Variants in CLASP2 observed in about 807,000 individuals in gnomAD.
The protein encoded by CLASP2 is CLIP-associating protein 2.
CLASP2 carries 47 observed loss-of-function variants against 194.4 expected under a neutral mutation model. The observed-to-expected ratio is 0.24, with a 90% CI of 0.19 to 0.31. The LOEUF is 0.31. Ranked by LOEUF, CLASP2 falls within the 10% of genes least tolerant of loss-of-function variation. The pLI is 1.00. For missense variants in CLASP2, 1,445 were observed against 1,823.6 expected, an observed-to-expected ratio of 0.79 and a Z score of 3.78; for synonymous variants, 619 against 633.5, an observed-to-expected ratio of 0.98 and a Z score of 0.34.
At chr3:33,686,938 A>G (rs1218036558) in intron 5 of CLASP2, 122 bp downstream of exon 5, 2 of 584,660 alleles carry the variant, frequency 3.4e-6, no homozygotes, top group African/African-American at 1.9e-5. Flanking sequence ...TAATGAGGTA[A>G]AATCTTGATT....
In CLASP2 at chr3:33,497,906, G is replaced by A. The variant is rs2046006120; in HGVS notation, c.*725C>T. The A allele has an allele frequency of 6.6e-6, 1 of 152,542 alleles. No individual in the cohort carries two copies. Among genetic ancestry groups the A allele is most frequent in the Admixed American group, 6.6e-5 (1 of 15,258 alleles). The allele number at this position is 152,542 out of a possible 1,614,324, so 9.4% of individuals were successfully genotyped here. On this transcript the variant is annotated 3_prime_UTR_variant, in exon 39 of 39. Coordinates refer to ENST00000682230, the MANE Select transcript of CLASP2 (RefSeq NM_001365631.1). The stretch of plus-strand genomic sequence containing the variant: ...TTTCAGTAAGTATCAAGAAAAAACA[G>A]GCAGATGATTTGGTGCAGCTTTCTT...
chr3:33,684,597 TA>T (rs1168932886), intron 5 of CLASP2, 141 bp from the exon 6 acceptor site: 2 of 439,656 alleles, frequency 4.5e-6, no homozygotes, highest in Non-Finnish European at 8.0e-6. Context: ...TTGTCATCAG[TA>T]AAAAAACAAG....
rs2091153701 is a variant in CLASP2, at chr3:33,689,892, G to A, written c.315C>T (p.Asp105=). 1 of 1,599,648 alleles carries A rather than the reference G, an allele frequency of 6.3e-7. No homozygotes were observed. Among genetic ancestry groups the A allele is most frequent in the Non-Finnish European group, 8.5e-7 (1 of 1,173,458 alleles). ...ALIDRMGDAK[D]KVRDEAQTLI... Reference sequence around the variant, plus strand: ...GAGTCTGAGCTTCATCTCGAACCTTGTCTTTGGCATCTCCCATTCTGTCTA... The same window carrying A: ...GAGTCTGAGCTTCATCTCGAACCTTATCTTTGGCATCTCCCATTCTGTCTA... The change falls in exon 3 of 39, where the codon GAC becomes GAT. Residue 105 remains aspartate (D), a synonymous_variant. Transcript: ENST00000682230.
At chr3:33,605,946 G>A (rs1302986762) in intron 16 of CLASP2, among the ~76,000 whole-genome samples, 1 of 152,072 alleles carries the variant, frequency 6.6e-6, no homozygotes, top group Non-Finnish European at 1.5e-5. Context: ...TTCCCTGGGG[G>A]AAATCTGCAG....
intron 18 of CLASP2, among the ~76,000 whole-genome samples, chr3:33,598,059 G>A (rs1423638075): frequency 5.9e-5 from 9 of 151,994 alleles, no homozygotes; most frequent in Non-Finnish European, 1.3e-4. Context: ...AGCCCACATT[G>A]CTCTATTTCA....
chr3:33,708,700 T>A (rs1218806892), intron 1 of CLASP2, among the ~76,000 whole-genome samples: 6 of 151,922 alleles, frequency 3.9e-5, no homozygotes, highest in Non-Finnish European at 8.8e-5. Flanking sequence ...AGATAGTGAT[T>A]TATTTTCTTT....
chr3:33,671,462 C>A (rs1438017575), intron 6 of CLASP2, among the ~76,000 whole-genome samples: 1 of 152,192 alleles, frequency 6.6e-6, no homozygotes, highest in African/African-American at 2.4e-5. Context: ...TAAGGAGGAG[C>A]CAAGATGGCC....
At position 33,538,676 on chromosome 3, in the gene CLASP2, G is replaced by C. The variant is rs192079925; in HGVS notation, c.3558+113C>G. Reference sequence around the variant, plus strand: ...TAGATACTCAGTAAATACTTGTAGAGTGACTGATCCCTAGAAAAGTATATT... The same window carrying C: ...TAGATACTCAGTAAATACTTGTAGACTGACTGATCCCTAGAAAAGTATATT... On this transcript the variant is annotated intron_variant, in intron 33 of 38. Transcript: ENST00000682230. The C allele has an allele frequency of 1.6e-5, 14 of 857,902 alleles. No homozygotes were observed. In the African/African-American group the frequency reaches 2.2e-4, roughly 14 times the overall value. 53.1% of individuals were successfully genotyped at this position (857,902 alleles called of 1,614,324 possible).
intron 24 of CLASP2, 121 bp downstream of exon 24, chr3:33,576,048 T>C: frequency 1.4e-6 from 1 of 702,752 alleles, no homozygotes; most frequent in Non-Finnish European, 2.4e-6. Flanking sequence ...GCCCACGTTT[T>C]ATCTTTAGAT....
intron 10 of CLASP2, among the ~76,000 whole-genome samples, chr3:33,625,165 G>C (rs1308203410): frequency 1.5e-5 from 2 of 131,220 alleles, no homozygotes; most frequent in Non-Finnish European, 3.2e-5. Context: ...CCATCAAATG[G>C]TAAATGATTA....
chr3:33,509,443 G>T (rs774547258), intron 37 of CLASP2, among the ~76,000 whole-genome samples: 2 of 152,060 alleles, frequency 1.3e-5, no homozygotes, highest in Non-Finnish European at 2.9e-5. Context: ...TTGAACTCCC[G>T]ACCTCAGGTG....
chr3:33,548,887 T>G (rs2059577458), intron 30 of CLASP2, among the ~76,000 whole-genome samples: 1 of 151,008 alleles, frequency 6.6e-6, no homozygotes, highest in African/African-American at 2.4e-5. Flanking sequence ...CCTGCTTCAG[T>G]CTCTTGAGTA....
chr3:33,549,988 C>T (rs1022432985), intron 30 of CLASP2, among the ~76,000 whole-genome samples: 75 of 152,146 alleles, frequency 4.9e-4, no homozygotes, highest in Non-Finnish European at 1.3e-4. Flanking sequence ...CTGCCTGCCT[C>T]AGCCTACCAT....
intron 37 of CLASP2, chr3:33,505,599 G>C (rs766215268): frequency 1.8e-4 from 28 of 152,160 alleles, no homozygotes; most frequent in Admixed American, 3.3e-4. Flanking sequence ...AATATATGAA[G>C]TGATTTTCAG....
intron 6 of CLASP2, among the ~76,000 whole-genome samples, chr3:33,671,917 C>A (rs1291458978): frequency 1.3e-5 from 2 of 152,200 alleles, no homozygotes; most frequent in Non-Finnish European, 2.9e-5. Context: ...CCCAGGCTTG[C>A]TTAGGTAAAC....
At chr3:33,516,266 A>C in intron 35 of CLASP2, 115 bp from the exon 36 acceptor site, 1 of 870,504 alleles carries the variant, frequency 1.1e-6, no homozygotes, top group Non-Finnish European at 1.7e-6. Context: ...AGATAACTGC[A>C]TAAAGTATGC....
chr3:33,711,254 T>TG (rs1365965223), intron 1 of CLASP2, among the ~76,000 whole-genome samples: 2 of 151,190 alleles, frequency 1.3e-5, no homozygotes, highest in East Asian at 1.9e-4. Flanking sequence ...GCATTTTTTT[T>TG]TTTTTTTTTG....
intron 7 of CLASP2, among the ~76,000 whole-genome samples, chr3:33,645,959 CA>C (rs2082209461): frequency 6.6e-6 from 1 of 151,522 alleles, no homozygotes; most frequent in Admixed American, 6.6e-5. Context: ...CACACACACA[CA>C]CACACACACA....
rs201941303 is a variant in CLASP2 at position 33,657,131 on chromosome 3, TAAAC to T, written c.715+6310_715+6313del. ...TAAACAAAGTTTGTAAGTTCGTAAA[TAAAC>T]AAAAAACATCAGGTAGGGGCAGTAT... On this transcript the variant is annotated intron_variant, in intron 7 of 38. Coordinates refer to ENST00000682230, the MANE Select transcript of CLASP2 (RefSeq NM_001365631.1). Among the ~76,000 whole-genome samples, 571 of 152,198 alleles carry T rather than the reference TAAAC, an allele frequency of 3.8e-3. 25 individuals carry two copies. The East Asian group carries it at 0.094, about 25-fold the overall frequency.
Sources: allele counts gnomAD v4.1 joint callset (sites outside exome capture counted in the v4.1 genomes callset), GRCh38; gene constraint gnomAD v4.1.1; transcripts MANE v1.5; gene names NCBI Gene and HGNC (gene_info 2026-07-23, HGNC 2026-07-21).